Variants in GAPVD1 observed in about 807,000 individuals in gnomAD.
The protein encoded by GAPVD1 is GTPase-activating protein and VPS9 domain-containing protein 1.
Under a neutral mutation model 155.5 loss-of-function variants are expected in GAPVD1, and 35 were observed. That is an observed-to-expected ratio of 0.23 (90% CI 0.17 to 0.30). The LOEUF (loss-of-function observed/expected upper bound fraction) is 0.30. Ranked by LOEUF, GAPVD1 falls within the 10% of genes least tolerant of loss-of-function variation. The probability of loss-of-function intolerance (pLI) is 1.00; values close to 1 mark genes in which losing one functional copy is unlikely to be tolerated. For missense variants in GAPVD1, 1,429 were observed against 1,775.7 expected (o/e 0.80, Z 3.51); for synonymous variants, 636 against 619.7 (o/e 1.03, Z -0.39).
intron 18 of GAPVD1, 70 bp from the exon 19 acceptor site, chr9:125,342,149 G>T: frequency 1.3e-6 from 1 of 745,886 alleles, no homozygotes; most frequent in Non-Finnish European, 2.4e-6. Context: ...TAGAAATGTT[G>T]GCACACCAGT....
intron 11 of GAPVD1, among the ~76,000 whole-genome samples, chr9:125,325,969 A>C (rs1845111050): frequency 6.6e-6 from 1 of 152,220 alleles, no homozygotes; most frequent in Non-Finnish European, 1.5e-5. Context: ...CAGGACATGA[A>C]TCATTCCTTA....
intron 2 of GAPVD1, among the ~76,000 whole-genome samples, chr9:125,271,264 C>T (rs1484761472): frequency 6.6e-6 from 1 of 151,906 alleles, no homozygotes; most frequent in Admixed American, 6.6e-5. Flanking sequence ...CTTGGTCTTG[C>T]TCCCTTATAA....
intron 8 of GAPVD1, 118 bp downstream of exon 8, chr9:125,307,998 G>T (rs1842116761): frequency 1.4e-6 from 1 of 713,942 alleles, no homozygotes; most frequent in Non-Finnish European, 2.5e-6. Flanking sequence ...TTCTCTTCAT[G>T]TTTACTGATG....
intron 2 of GAPVD1, among the ~76,000 whole-genome samples, chr9:125,288,405 CG>C (rs1564297124): frequency 6.6e-6 from 1 of 152,134 alleles, no homozygotes; most frequent in African/African-American, 2.4e-5. Context: ...CCACTGCACC[CG>C]GCCTTGTTAA....
At position 125,336,387 on chromosome 9, in the gene GAPVD1, T is replaced by C. The variant is rs150106424; in HGVS notation, c.2429-631T>C. Among the ~76,000 whole-genome samples the C allele has an allele frequency of 1.7e-3, 259 of 152,274 alleles. 1 individual carries two copies. The highest frequency in any genetic ancestry group is 5.8e-3 in the African/African-American group (242 of 41,580). On this transcript the variant is annotated intron_variant, in intron 15 of 27. Coordinates refer to ENST00000297933, the MANE Select transcript of GAPVD1 (RefSeq NM_001282680.3). ...TTTGAAATTTCCATCCTCTGCATAC[T>C]TATCTATTTTAAAGTTATTTGCTGA...
chr9:125,329,494 T>G (rs1296367318), intron 12 of GAPVD1, among the ~76,000 whole-genome samples: 1 of 152,096 alleles, frequency 6.6e-6, no homozygotes, highest in Non-Finnish European at 1.5e-5. Flanking sequence ...CTATGGAGAG[T>G]CAAAGGTGAA....
chr9:125,330,372 G>A (rs895886792), intron 13 of GAPVD1, among the ~76,000 whole-genome samples, 154 bp downstream of exon 13: 14 of 150,498 alleles, frequency 9.3e-5, no homozygotes, highest in African/African-American at 3.4e-4. Context: ...AGGCTGGAGT[G>A]CTGTGGCGCG....
intron 6 of GAPVD1, among the ~76,000 whole-genome samples, chr9:125,305,569 C>G (rs998161123): frequency 6.6e-6 from 1 of 152,126 alleles, no homozygotes; most frequent in African/African-American, 2.4e-5. Context: ...CGGGGTTTCA[C>G]CTTCTTGGCC....
chr9:125,296,362 T>TTTTTTTTGTTTTG (rs1421960496), intron 3 of GAPVD1, among the ~76,000 whole-genome samples: 5 of 145,952 alleles, frequency 3.4e-5, no homozygotes, highest in South Asian at 2.2e-4. Flanking sequence ...TCTTAGGTTT[T>TTTTTTTTGTTTTG]TTTTTTTTTT....
At position 125,309,913 on chromosome 9, in the gene GAPVD1, T is replaced by C. The variant is rs1170150558; in HGVS notation, c.1441+2033T>C. The C allele has an allele frequency of 6.6e-6, 3 of 456,452 alleles. No individual in the cohort carries two copies. The Admixed American group carries it at 7.6e-5, about 12-fold the overall frequency. 28.3% of individuals were successfully genotyped at this position (456,452 alleles called of 1,614,324 possible). A position where few individuals can be genotyped will look rare whatever the true frequency, so the allele number is the denominator to read the frequency against. Reference sequence around the variant, plus strand: ...GAGGGTTGATTTTCTTTCTATTTAATGCTTTTGCAACCCAGGACAACAGTT... The same window carrying C: ...GAGGGTTGATTTTCTTTCTATTTAACGCTTTTGCAACCCAGGACAACAGTT... On this transcript the variant is annotated intron_variant, in intron 8 of 27. Coordinates refer to ENST00000297933, the MANE Select transcript of GAPVD1 (RefSeq NM_001282680.3).
At chr9:125,288,577 A>G (rs116813930) in intron 2 of GAPVD1, among the ~76,000 whole-genome samples, 3 of 151,394 alleles carry the variant, frequency 2.0e-5, no homozygotes, top group South Asian at 4.2e-4. Context: ...AGGTCTCACT[A>G]TGTTCCCCAG....
intron 26 of GAPVD1, among the ~76,000 whole-genome samples, chr9:125,360,283 G>T (rs1850715219): frequency 6.6e-6 from 1 of 152,288 alleles, no homozygotes; most frequent in African/African-American, 2.4e-5. Context: ...CTTCTGTGCT[G>T]TTGAATGCCC....
At chr9:125,293,860 A>ATATAAATATATTTTT (rs1554757087) in intron 2 of GAPVD1, among the ~76,000 whole-genome samples, 1 of 10,626 alleles carries the variant, frequency 9.4e-5, no homozygotes, top group East Asian at 2.1e-3. Flanking sequence ...TTTTATATAT[A>ATATAAATATATTTTT]TATATATATA....
intron 2 of GAPVD1, chr9:125,287,695 G>A (rs1026246008): frequency 6.6e-6 from 1 of 152,074 alleles, no homozygotes; most frequent in Admixed American, 6.6e-5. Flanking sequence ...GAGCAACTTT[G>A]TACCTTTATT....
Position 125,359,453 on chromosome 9 carries a change from A to G in GAPVD1, c.4005A>G (p.Lys1335=), listed in dbSNP as rs1850609149. The G allele has an allele frequency of 6.3e-6, 10 of 1,597,862 alleles. No individual in the cohort carries two copies. Among genetic ancestry groups the G allele is most frequent in the Non-Finnish European group, 7.7e-6 (9 of 1,165,768 alleles). Residue 1335 remains lysine, a synonymous_variant, in exon 26 of 28, where the codon AAA becomes AAG. Transcript: ENST00000297933. The part of the protein sequence containing the change: ...VLHEHIQRLS[K]VVTANHRALQ... ...ATGAACATATCCAGAGATTGTCTAAAGTAGTGACTGCAAATCACAGAGCTC... is the reference window on the plus strand; with the variant it reads ...ATGAACATATCCAGAGATTGTCTAAGGTAGTGACTGCAAATCACAGAGCTC...
At chr9:125,333,710 AC>A (rs1233354430) in intron 15 of GAPVD1, among the ~76,000 whole-genome samples, 1 of 150,000 alleles carries the variant, frequency 6.7e-6, no homozygotes, top group Non-Finnish European at 1.5e-5. Flanking sequence ...CTGGTCTGGA[AC>A]CCCCAACCTC....
chr9:125,350,940 T>C, intron 23 of GAPVD1, 68 bp downstream of exon 23: 7 of 1,247,830 alleles, frequency 5.6e-6, no homozygotes, highest in Non-Finnish European at 6.8e-6. Context: ...TTTTTATCCT[T>C]ATTTCAGAAA....
intron 2 of GAPVD1, among the ~76,000 whole-genome samples, chr9:125,285,496 T>G (rs928696143): frequency 3.4e-5 from 5 of 149,250 alleles, no homozygotes; most frequent in Admixed American, 1.3e-4. Context: ...CTTCCTCTGT[T>G]GTCCAAGCTG....
At chr9:125,294,399 G>A (rs1246820212) in intron 2 of GAPVD1, among the ~76,000 whole-genome samples, 1 of 148,060 alleles carries the variant, frequency 6.8e-6, no homozygotes. Context: ...CCAGGCTGGA[G>A]TGCAGCGCGT....
Sources: gnomAD v4.1 joint callset for allele counts (sites outside exome capture counted in the v4.1 genomes callset) on GRCh38, gnomAD v4.1.1 for gene constraint, MANE v1.5 for transcripts, NCBI Gene and HGNC (gene_info 2026-07-23, HGNC 2026-07-21) for gene names.